The following CDK14 variants were observed in gnomAD, a reference collection of about 807,000 sequenced individuals.
CDK14 encodes the protein cyclin dependent kinase 14, also known as cyclin-dependent kinase 14.
In CDK14, 34 loss-of-function variants were observed where a neutral mutation model predicts 60.7. The observed-to-expected ratio is 0.56, with a 90% CI of 0.43 to 0.75. The LOEUF (loss-of-function observed/expected upper bound fraction) is 0.75, where lower values mean the gene tolerates loss of function less well. Among genes scored for constraint, CDK14 ranks in the 30% least tolerant of loss-of-function variants. The pLI is 0.00. For synonymous variants in CDK14, 197 were observed against 203.7 expected (o/e 0.97, Z 0.28); for missense variants, 482 against 564.1 (o/e 0.85, Z 1.47).
In CDK14 at chr7:91,058,658, T is replaced by C. The variant is rs1797666882; in HGVS notation, c.1105+12698T>C. Among the ~76,000 whole-genome samples, 3 of 152,240 alleles carry C rather than the reference T, an allele frequency of 2.0e-5. No homozygotes were observed. In the South Asian group the frequency reaches 6.2e-4, roughly 31 times the overall value. ...AAGGCTTTTTCTGCATCTATTGAGA[T>C]AATCATGTGGTTTTTGTCATTGGTT... On this transcript the variant is annotated intron_variant, in intron 11 of 14. Transcript: ENST00000380050.
intron 2 of CDK14, among the ~76,000 whole-genome samples, chr7:90,699,655 A>C (rs1801741029): frequency 6.6e-6 from 1 of 152,108 alleles, no homozygotes. Context: ...TAAACCTTAG[A>C]GTTCTGAGTT....
chr7:90,885,967 A>G (rs1791933159), intron 6 of CDK14, among the ~76,000 whole-genome samples: 1 of 152,192 alleles, frequency 6.6e-6, no homozygotes, highest in Non-Finnish European at 1.5e-5. Flanking sequence ...GCAAACCACA[A>G]TGGCATACAT....
At chr7:90,796,699 A>G (rs12216623) in intron 5 of CDK14, among the ~76,000 whole-genome samples, 12,602 of 150,606 alleles carry the variant, frequency 0.084, 629 homozygotes, top group South Asian at 0.11. Context: ...TTAGATTTCA[A>G]CAGGGTCATT....
chr7:90,636,198 T>C (rs1800143465), intron 2 of CDK14, among the ~76,000 whole-genome samples: 2 of 152,040 alleles, frequency 1.3e-5, no homozygotes, highest in South Asian at 2.1e-4. Context: ...AGAGAGGGCA[T>C]CCCTGTCTTG....
At chr7:90,936,010 C>G (rs1438484528) in intron 8 of CDK14, among the ~76,000 whole-genome samples, 14 of 151,158 alleles carry the variant, frequency 9.3e-5, no homozygotes, top group African/African-American at 3.4e-4. Context: ...CCACTGCACT[C>G]TAGCATGGGC....
intron 10 of CDK14, among the ~76,000 whole-genome samples, chr7:91,008,044 A>G (rs1345233405): frequency 1.4e-5 from 2 of 148,140 alleles, no homozygotes; most frequent in African/African-American, 5.0e-5. Flanking sequence ...TAGATATTCC[A>G]GTATTGGATT....
intron 10 of CDK14, among the ~76,000 whole-genome samples, chr7:91,035,416 A>G (rs577476238): frequency 2.0e-4 from 30 of 152,286 alleles, no homozygotes; most frequent in Non-Finnish European, 3.5e-4. Context: ...GTATATCAAT[A>G]TCTTTACCCC....
chr7:90,978,165 C>T (rs902222656), intron 9 of CDK14, among the ~76,000 whole-genome samples: 10 of 150,320 alleles, frequency 6.7e-5, no homozygotes, highest in Non-Finnish European at 1.0e-4. Flanking sequence ...AAGAGTGTGG[C>T]AAGTTTTAGG....
intron 12 of CDK14, among the ~76,000 whole-genome samples, chr7:91,108,513 A>G (rs2116338933): frequency 6.6e-6 from 1 of 152,328 alleles, no homozygotes; most frequent in East Asian, 1.9e-4. Context: ...AATGTCCTAC[A>G]GAATTTAAAA....
Position 90,863,210 on chromosome 7 carries a change from G to C in CDK14, c.580G>C (p.Val194Leu). The C allele has an allele frequency of 6.2e-7, 1 of 1,609,812 alleles. No homozygotes were observed. The highest frequency in any genetic ancestry group is 8.5e-7 in the Non-Finnish European group (1 of 1,176,990). ...LLKGLKHANI[V>L]LLHDIIHTKE... ...AAAAGGACTAAAACATGCTAACATA[G>C]TGCTACTTCATGACATCATCCATAC... Residue 194 changes from valine to leucine, a missense_variant, in exon 6 of 15, where the codon GTG (valine) becomes CTG (leucine). Transcript: ENST00000380050.
At chr7:90,928,850 T>A (rs71557099) in intron 8 of CDK14, among the ~76,000 whole-genome samples, 1 of 152,242 alleles carries the variant, frequency 6.6e-6, no homozygotes, top group African/African-American at 2.4e-5. Flanking sequence ...GCAGGCTTCC[T>A]TGAGCTGCAG....
intron 2 of CDK14, among the ~76,000 whole-genome samples, chr7:90,649,567 C>T (rs75425709): frequency 1.3e-5 from 2 of 150,576 alleles, no homozygotes; most frequent in Admixed American, 6.6e-5. Context: ...TCCATTAACT[C>T]GTCATTTACA....
intron 2 of CDK14, among the ~76,000 whole-genome samples, chr7:90,676,996 G>A (rs987577374): frequency 4.6e-5 from 7 of 151,908 alleles, no homozygotes; most frequent in African/African-American, 1.7e-4. Context: ...AGAATGAAGG[G>A]AAGTAATGAT....
intron 7 of CDK14, among the ~76,000 whole-genome samples, chr7:90,906,111 C>CA (rs1371356601): frequency 6.6e-6 from 1 of 152,032 alleles, no homozygotes; most frequent in Non-Finnish European, 1.5e-5. Flanking sequence ...GATATATAAA[C>CA]ATTTTTTCAT....
intron 8 of CDK14, among the ~76,000 whole-genome samples, chr7:90,949,773 CAAAGA>C (rs1171899817): frequency 3.3e-5 from 5 of 152,084 alleles, no homozygotes; most frequent in African/African-American, 1.2e-4. Context: ...GAAACCAAAA[CAAAGA>C]TGTTACATAC....
At chr7:90,601,311 G>T (rs181892633) in intron 1 of CDK14, among the ~76,000 whole-genome samples, 1 of 152,304 alleles carries the variant, frequency 6.6e-6, no homozygotes, top group East Asian at 1.9e-4. Context: ...TCTTGTTTGG[G>T]TCAGAATTTA....
intron 5 of CDK14, among the ~76,000 whole-genome samples, chr7:90,811,415 T>G (rs78993883): frequency 0.43 from 66,006 of 151,826 alleles, 15,152 homozygotes; most frequent in East Asian, 0.82. Context: ...GCTAGCCATA[T>G]GCAGAAAGCT....
At chr7:91,095,748 A>C (rs1798964656) in intron 12 of CDK14, among the ~76,000 whole-genome samples, 1 of 152,112 alleles carries the variant, frequency 6.6e-6, no homozygotes, top group Admixed American at 6.6e-5. Flanking sequence ...ATATACTAAC[A>C]TATTACTATA....
chr7:90,817,339 T>A (rs1789391183), intron 5 of CDK14, among the ~76,000 whole-genome samples: 1 of 152,168 alleles, frequency 6.6e-6, no homozygotes, highest in South Asian at 2.1e-4. Context: ...ATCGTACTTT[T>A]AAAAACCCTA....
Sources: gnomAD v4.1 joint callset for allele counts (sites outside exome capture counted in the v4.1 genomes callset) on GRCh38, gnomAD v4.1.1 for gene constraint, MANE v1.5 for transcripts, NCBI Gene and HGNC (gene_info 2026-07-23, HGNC 2026-07-21) for gene names.